PACRG: variants seen among roughly 807,000 people sequenced by gnomAD.
PACRG encodes the protein parkin coregulated, also known as parkin coregulated gene protein.
In PACRG, 29 loss-of-function variants were observed where a neutral mutation model predicts 29.7. That is an observed-to-expected ratio of 0.98 (90% CI 0.73 to 1.33). PACRG has a LOEUF of 1.33. Among genes scored for constraint, PACRG ranks in the 40% most tolerant of loss-of-function variants. The probability of loss-of-function intolerance (pLI) is 0.00; values close to 1 mark genes in which losing one functional copy is unlikely to be tolerated. For missense variants in PACRG, 279 were observed against 316.2 expected, an observed-to-expected ratio of 0.88 and a Z score of 0.89; for synonymous variants, 116 against 118.7, an observed-to-expected ratio of 0.98 and a Z score of 0.15.
chr6:162,965,839 A>T (rs1227020401), intron 2 of PACRG, among the ~76,000 whole-genome samples: 1 of 152,226 alleles, frequency 6.6e-6, no homozygotes, highest in African/African-American at 2.4e-5. Flanking sequence ...TCTTCTTCTC[A>T]TTGTATTTTG....
In PACRG at chr6:163,174,239, AT is replaced by A. The variant is rs535852665; in HGVS notation, c.613+84832del. Among the ~76,000 whole-genome samples the A allele has an allele frequency of 9.5e-4, 145 of 152,078 alleles. 1 individual carries two copies. The highest frequency in any genetic ancestry group is 3.3e-3 in the African/African-American group (136 of 41,498). ...TGAGCTAAAACAAATTGCAAAAAAA[AT>A]CTCATAATGTTTTAAGAAAGTTTAT... On this transcript the variant is annotated intron_variant, in intron 4 of 4. Coordinates refer to ENST00000366888, the MANE Select transcript of PACRG (RefSeq NM_001080379.2).
chr6:162,998,565 C>T (rs1378719695), intron 2 of PACRG, among the ~76,000 whole-genome samples: 1 of 152,184 alleles, frequency 6.6e-6, no homozygotes, highest in Non-Finnish European at 1.5e-5. Context: ...CCATTCTTCC[C>T]TCTAGCATGG....
chr6:163,166,722 G>C (rs1251830084), intron 4 of PACRG, among the ~76,000 whole-genome samples: 2 of 152,188 alleles, frequency 1.3e-5, no homozygotes, highest in Admixed American at 1.3e-4. Flanking sequence ...TATGCCATCT[G>C]TGCTGGTAGG....
rs150968381 is a variant in PACRG, at chr6:163,176,889, C to G, written c.613+87481C>G. On this transcript the variant is annotated intron_variant, in intron 4 of 4. Transcript: ENST00000366888. ...AGAAATAATGGAGGGTGTTAAATGACAAGCCCAGGAATCTGGGACAGTCAG... is the reference window on the plus strand; with the variant it reads ...AGAAATAATGGAGGGTGTTAAATGAGAAGCCCAGGAATCTGGGACAGTCAG... Among the ~76,000 whole-genome samples, 46 of 152,320 alleles carry G rather than the reference C, an allele frequency of 3.0e-4. No homozygotes were observed. The East Asian group carries it at 7.1e-3, about 24-fold the overall frequency.
chr6:163,278,736 G>T (rs1176690326), intron 4 of PACRG, among the ~76,000 whole-genome samples: 1 of 152,084 alleles, frequency 6.6e-6, no homozygotes, highest in Admixed American at 6.5e-5. Context: ...GGTAACTATG[G>T]CCTTACATTA....
chr6:162,802,438 A>G (rs766878353), intron 1 of PACRG, among the ~76,000 whole-genome samples: 9 of 152,122 alleles, frequency 5.9e-5, no homozygotes, highest in Non-Finnish European at 1.2e-4. Context: ...ATGTAAGTGC[A>G]TTGGTTATAC....
rs555893805 is a variant in PACRG at position 162,990,207 on chromosome 6, A to G, written c.292-71943A>G. Among the ~76,000 whole-genome samples the G allele has an allele frequency of 6.7e-3, 1,007 of 151,190 alleles. 14 individuals are homozygous for G. The highest frequency in any genetic ancestry group is 0.022 in the African/African-American group (921 of 41,326). On this transcript the variant is annotated intron_variant, in intron 2 of 4. Coordinates refer to ENST00000366888, the MANE Select transcript of PACRG (RefSeq NM_001080379.2). ...AATGCTGCAATAAACATACGTGTGC[A>G]TGTGTCTTTATAGCAGCATGATTTA... is the stretch of plus-strand genomic sequence containing the variant.
intron 1 of PACRG, among the ~76,000 whole-genome samples, chr6:162,780,095 T>C (rs1334225121): frequency 1.3e-5 from 2 of 152,182 alleles, no homozygotes; most frequent in African/African-American, 4.8e-5. Context: ...CCTCAGTGCA[T>C]GTGTGTGAGG....
At chr6:162,983,575 T>A (rs1802615765) in intron 2 of PACRG, among the ~76,000 whole-genome samples, 1 of 152,074 alleles carries the variant, frequency 6.6e-6, no homozygotes, top group Non-Finnish European at 1.5e-5. Flanking sequence ...GGAATCAGTT[T>A]TGCTGGATAC....
chr6:162,893,564 C>T (rs189029641), intron 2 of PACRG, among the ~76,000 whole-genome samples: 33 of 141,210 alleles, frequency 2.3e-4, no homozygotes, highest in Non-Finnish European at 4.0e-4. Context: ...AGGCACCACG[C>T]GTGCCCCAGA....
intron 4 of PACRG, chr6:163,101,288 A>G: frequency 1.0e-6 from 1 of 982,944 alleles, no homozygotes; most frequent in Non-Finnish European, 1.2e-6. Flanking sequence ...TGACAGGATT[A>G]TTGCCTGGTA....
chr6:162,993,005 A>C (rs1281221997), intron 2 of PACRG, among the ~76,000 whole-genome samples: 1 of 148,876 alleles, frequency 6.7e-6, no homozygotes, highest in Non-Finnish European at 1.5e-5. Flanking sequence ...TGTACCCAGT[A>C]GTCATTCAGG....
At chr6:162,990,200 C>G (rs62429316) in intron 2 of PACRG, among the ~76,000 whole-genome samples, 1,661 of 151,300 alleles carry the variant, frequency 0.011, 46 homozygotes, top group Admixed American at 0.064. Flanking sequence ...AATAAACATA[C>G]GTGTGCATGT....
At chr6:163,197,042 C>CT (rs1256526300) in intron 4 of PACRG, among the ~76,000 whole-genome samples, 1 of 151,866 alleles carries the variant, frequency 6.6e-6, no homozygotes, top group Non-Finnish European at 1.5e-5. Context: ...AGGGAGAAAA[C>CT]TGAAGCAGAA....
intron 4 of PACRG, among the ~76,000 whole-genome samples, chr6:163,167,202 A>T (rs1225413976): frequency 6.6e-6 from 1 of 152,232 alleles, no homozygotes; most frequent in East Asian, 1.9e-4. Context: ...AGACAGAAGA[A>T]ACCTTAAGCT....
intron 1 of PACRG, among the ~76,000 whole-genome samples, chr6:162,768,140 C>T (rs1227530093): frequency 6.6e-6 from 1 of 151,976 alleles, no homozygotes; most frequent in Non-Finnish European, 1.5e-5. Context: ...TTACCATTGC[C>T]TTTAATGAAT....
intron 4 of PACRG, among the ~76,000 whole-genome samples, chr6:163,156,920 A>G (rs1237410923): frequency 6.6e-6 from 1 of 152,152 alleles, no homozygotes; most frequent in African/African-American, 2.4e-5. Context: ...ATTATACTTG[A>G]TCCACCCAGA....
intron 1 of PACRG, among the ~76,000 whole-genome samples, chr6:162,733,400 T>C (rs570765458): frequency 6.6e-6 from 1 of 152,356 alleles, no homozygotes; most frequent in Non-Finnish European, 1.5e-5. Flanking sequence ...CAATAAATAT[T>C]TGATGAATGA....
intron 2 of PACRG, among the ~76,000 whole-genome samples, chr6:162,961,440 C>T (rs1416423073): frequency 6.6e-6 from 1 of 152,222 alleles, no homozygotes; most frequent in Non-Finnish European, 1.5e-5. Context: ...CTATCTATAA[C>T]TCCAACCTTG....
Sources: gnomAD v4.1 joint callset for allele counts (sites outside exome capture counted in the v4.1 genomes callset) on GRCh38, gnomAD v4.1.1 for gene constraint, MANE v1.5 for transcripts, NCBI Gene and HGNC (gene_info 2026-07-23, HGNC 2026-07-21) for gene names.